GABRG1: variants seen among roughly 807,000 people sequenced by gnomAD.
The protein encoded by GABRG1 is gamma-aminobutyric acid type A receptor subunit gamma1, also known as gamma-aminobutyric acid receptor subunit gamma-1.
Under a neutral mutation model 49.8 loss-of-function variants are expected in GABRG1, and 49 were observed. The ratio of observed to expected loss-of-function variants is 0.98; its 90% CI spans 0.78 to 1.25. The LOEUF is 1.25. Among genes scored for constraint, GABRG1 ranks in the 50% most tolerant of loss-of-function variants. The pLI is 0.00. For missense variants in GABRG1, 552 were observed against 552.3 expected (o/e 1.00, Z 0.01); for synonymous variants, 232 against 185.1 (o/e 1.25, Z -2.06).
intron 1 of GABRG1, among the ~76,000 whole-genome samples, chr4:46,120,863 T>A (rs1252926720): frequency 6.6e-6 from 1 of 151,836 alleles, no homozygotes; most frequent in African/African-American, 2.4e-5. Flanking sequence ...TCAAGGCTTA[T>A]TGTAGGTTAC....
intron 1 of GABRG1, 89 bp downstream of exon 1, chr4:46,123,721 C>G: frequency 1.1e-6 from 1 of 877,488 alleles, no homozygotes; most frequent in Non-Finnish European, 1.8e-6. Flanking sequence ...AAATTAATTA[C>G]TTAAAGTGGA....
intron 1 of GABRG1, among the ~76,000 whole-genome samples, chr4:46,115,509 T>C (rs1720855526): frequency 6.6e-6 from 1 of 150,626 alleles, no homozygotes; most frequent in Non-Finnish European, 1.5e-5. Context: ...AAAAAGCAAG[T>C]AAAGAAAAAT....
intron 1 of GABRG1, 136 bp downstream of exon 1, chr4:46,123,674 A>C: frequency 1.6e-6 from 1 of 629,734 alleles, no homozygotes; most frequent in Non-Finnish European, 2.8e-6. Flanking sequence ...TCAGAAAATA[A>C]AACGATGGTA....
intron 1 of GABRG1, among the ~76,000 whole-genome samples, chr4:46,107,701 T>C (rs1720596880): frequency 6.6e-6 from 1 of 150,606 alleles, no homozygotes; most frequent in Admixed American, 6.6e-5. Flanking sequence ...CTTATTTTAA[T>C]TTATTTTCTT....
At chr4:46,098,578 A>C (rs2109432213) in intron 1 of GABRG1, among the ~76,000 whole-genome samples, 1 of 151,892 alleles carries the variant, frequency 6.6e-6, no homozygotes, top group East Asian at 2.0e-4. Context: ...TCTCAAGCTG[A>C]TTTGAATTGC....
At chr4:46,091,499 T>C (rs1719989438) in intron 2 of GABRG1, among the ~76,000 whole-genome samples, 1 of 152,048 alleles carries the variant, frequency 6.6e-6, no homozygotes, top group African/African-American at 2.4e-5. Flanking sequence ...TGATCAAAGA[T>C]TTTAAAATAA....
At chr4:46,102,469 C>T (rs938684296) in intron 1 of GABRG1, among the ~76,000 whole-genome samples, 3 of 151,624 alleles carry the variant, frequency 2.0e-5, no homozygotes, top group African/African-American at 7.3e-5. Context: ...CTTCCCCCCT[C>T]TACTTTCATA....
rs148946680 is a variant in GABRG1 at position 46,057,903 on chromosome 4, A to G, written c.916+314T>C. On this transcript the variant is annotated intron_variant, in intron 7 of 8. Coordinates refer to ENST00000295452, the MANE Select transcript of GABRG1 (RefSeq NM_173536.4). The stretch of plus-strand genomic sequence containing the variant: ...TTGATGAAACGTGATAGAAAAACTC[A>G]ACCAAAATAAGATTTAGGAATTACG... 1.7e-4 allele frequency among the ~76,000 whole-genome samples: 26 copies of G among 152,258 alleles called. No individual in the cohort carries two copies. In the East Asian group the frequency reaches 4.6e-3, roughly 27 times the overall value.
intron 2 of GABRG1, among the ~76,000 whole-genome samples, chr4:46,096,641 T>C (rs1356960411): frequency 4.6e-5 from 7 of 151,572 alleles, no homozygotes; most frequent in Non-Finnish European, 8.9e-5. Context: ...CACATACTTG[T>C]AGATGTGTAG....
intron 1 of GABRG1, among the ~76,000 whole-genome samples, chr4:46,109,695 G>T (rs1720660886): frequency 1.3e-5 from 2 of 151,102 alleles, no homozygotes; most frequent in Non-Finnish European, 3.0e-5. Context: ...GCATAACAGA[G>T]ACTTTAGTAT....
intron 3 of GABRG1, among the ~76,000 whole-genome samples, chr4:46,069,696 T>C (rs1367985089): frequency 6.6e-6 from 1 of 152,122 alleles, no homozygotes; most frequent in African/African-American, 2.4e-5. Context: ...ATCGTGTGCA[T>C]TCATCAATTA....
chr4:46,072,617 T>C (rs1268062700), intron 3 of GABRG1, among the ~76,000 whole-genome samples: 1 of 152,096 alleles, frequency 6.6e-6, no homozygotes, highest in Non-Finnish European at 1.5e-5. Flanking sequence ...GTGGATGTAA[T>C]ATATTAAAAA....
At chr4:46,087,487 A>G (rs1469064726) in intron 2 of GABRG1, among the ~76,000 whole-genome samples, 1 of 151,876 alleles carries the variant, frequency 6.6e-6, no homozygotes, top group Non-Finnish European at 1.5e-5. Flanking sequence ...GAAATTAAAT[A>G]ACATTTAAAA....
At chr4:46,069,010 C>T (rs775683961) in intron 3 of GABRG1, among the ~76,000 whole-genome samples, 1 of 152,006 alleles carries the variant, frequency 6.6e-6, no homozygotes. Context: ...GTGAAGTGAG[C>T]CATTTTGATT....
At position 46,068,864 on chromosome 4, in the gene GABRG1, C is replaced by T. The variant is rs140433513; in HGVS notation, c.322-3280G>A. 3.2e-3 allele frequency among the ~76,000 whole-genome samples: 494 copies of T among 152,048 alleles called. 2 individuals are homozygous for T. The highest frequency in any genetic ancestry group is 0.012 in the African/African-American group (478 of 41,496). On this transcript the variant is annotated intron_variant, in intron 3 of 8. Coordinates refer to ENST00000295452, the MANE Select transcript of GABRG1 (RefSeq NM_173536.4). ...AAATCGAACTTCTGTTTACTCAGAACGAAAATACAAGAGTTTCTAAGATAA... is the reference window on the plus strand; with the variant it reads ...AAATCGAACTTCTGTTTACTCAGAATGAAAATACAAGAGTTTCTAAGATAA...
At position 46,036,013 on chromosome 4, in the gene GABRG1, T is replaced by C. The variant is rs566092430; in HGVS notation, c.*4975A>G. 3.9e-5 allele frequency: 6 copies of C among 152,076 alleles called. No homozygotes were observed. 9.4% of individuals were successfully genotyped at this position (152,076 alleles called of 1,614,324 possible). On this transcript the variant is annotated 3_prime_UTR_variant, in exon 9 of 9. Coordinates refer to ENST00000295452, the MANE Select transcript of GABRG1 (RefSeq NM_173536.4). ...AATAATTGTTATTACAGTGAAGGAT[T>C]GAAAACCAAACTATTTCCATTTAGG...
chr4:46,107,081 G>T (rs976354609), intron 1 of GABRG1, among the ~76,000 whole-genome samples: 2 of 151,128 alleles, frequency 1.3e-5, no homozygotes, highest in African/African-American at 4.8e-5. Context: ...TATTCTTCAA[G>T]TTATTTTAAA....
chr4:46,086,378 G>A (rs1719752999), intron 2 of GABRG1, among the ~76,000 whole-genome samples: 2 of 151,626 alleles, frequency 1.3e-5, no homozygotes, highest in South Asian at 4.1e-4. Context: ...GTATATCAGT[G>A]AGAAAATATA....
intron 2 of GABRG1, among the ~76,000 whole-genome samples, chr4:46,091,251 C>A (rs757595296): frequency 6.6e-6 from 1 of 151,986 alleles, no homozygotes; most frequent in South Asian, 2.1e-4. Flanking sequence ...GGAAATTACG[C>A]TAGTTCTGAC....
Sources: allele counts gnomAD v4.1 joint callset (sites outside exome capture counted in the v4.1 genomes callset), GRCh38; gene constraint gnomAD v4.1.1; transcripts MANE v1.5; gene names NCBI Gene and HGNC (gene_info 2026-07-23, HGNC 2026-07-21).